Variants in CEP41 observed in about 807,000 individuals in gnomAD.
CEP41 encodes centrosomal protein 41.
A neutral mutation model predicts 44.3 loss-of-function variants in CEP41; 32 were observed. That is an observed-to-expected ratio of 0.72 (90% CI 0.54 to 0.97). CEP41 has a LOEUF of 0.97. Ranked by LOEUF, CEP41 falls within the 50% of genes least tolerant of loss-of-function variation. The pLI, the probability that CEP41 is intolerant of heterozygous loss-of-function variation, is 0.00. For missense variants in CEP41, 432 were observed against 455.2 expected, an observed-to-expected ratio of 0.95 and a Z score of 0.46; for synonymous variants, 151 against 168.5, an observed-to-expected ratio of 0.90 and a Z score of 0.80.
chr7:130,440,778 C>G, intron 1 of CEP41, 156 bp downstream of exon 1: 5 of 524,606 alleles, frequency 9.5e-6, no homozygotes, highest in South Asian at 1.7e-5. Context: ...GGCCCCCAAG[C>G]CCGGCCCGCC....
At chr7:130,434,587 T>C (rs782433759) in intron 1 of CEP41, among the ~76,000 whole-genome samples, 13 of 152,180 alleles carry the variant, frequency 8.5e-5, no homozygotes, top group Non-Finnish European at 1.0e-4. Flanking sequence ...AAATGTGCTC[T>C]AGTCACATGC....
At chr7:130,437,456 A>C (rs1554426371) in intron 1 of CEP41, among the ~76,000 whole-genome samples, 1 of 151,974 alleles carries the variant, frequency 6.6e-6, no homozygotes, top group African/African-American at 2.4e-5. Flanking sequence ...ACAAGACACT[A>C]GACCACTAAG....
chr7:130,420,794 T>C (rs1797484582), intron 2 of CEP41: 5 of 600,780 alleles, frequency 8.3e-6, no homozygotes, highest in Non-Finnish European at 1.0e-5. Context: ...AATAAATAAA[T>C]AGGAAAAATA....
chr7:130,400,681 C>T (rs782091594), intron 9 of CEP41, 26 bp downstream of exon 9: 1 of 1,414,946 alleles, frequency 7.1e-7, no homozygotes, highest in East Asian at 2.3e-5. Context: ...CCTTTGAAGT[C>T]CCAAGCAGAG....
rs369884649 is a variant in CEP41, at chr7:130,441,006, G to A, written c.-40C>T. The A allele has an allele frequency of 1.2e-6, 2 of 1,608,936 alleles. No individual in the cohort carries two copies. Among genetic ancestry groups the A allele is most frequent in the Non-Finnish European group, 1.7e-6 (2 of 1,177,600 alleles). ...ACCACGTTCGGGGTTCTAGCCTCAC[G>A]GGTTGCCTCTAACCCTAGCTTCCTA... On this transcript the variant is annotated 5_prime_UTR_variant, in exon 1 of 11. Transcript: ENST00000223208.
At chr7:130,411,239 CA>C in intron 4 of CEP41, 48 bp from the exon 5 acceptor site, 1 of 1,483,548 alleles carries the variant, frequency 6.7e-7, no homozygotes. Flanking sequence ...TGTTTTTAAA[CA>C]GACGCAATTT....
intron 2 of CEP41, among the ~76,000 whole-genome samples, chr7:130,425,178 G>A (rs781926184): frequency 1.3e-5 from 2 of 152,188 alleles, no homozygotes; most frequent in Non-Finnish European, 2.9e-5. Flanking sequence ...TGTAATCCCA[G>A]CCAAGGCGGG....
chr7:130,420,008 T>C (rs903403319), intron 2 of CEP41: 2 of 985,176 alleles, frequency 2.0e-6, no homozygotes, highest in African/African-American at 3.5e-5. Flanking sequence ...TTGTCTAGCA[T>C]AGGAGACACT....
intron 1 of CEP41, among the ~76,000 whole-genome samples, chr7:130,430,520 C>T (rs1360379571): frequency 1.3e-5 from 2 of 152,194 alleles, no homozygotes; most frequent in Non-Finnish European, 2.9e-5. Flanking sequence ...ATGCCAATTT[C>T]AATTCCTTCC....
rs1330310167 is a variant in CEP41, at chr7:130,396,321, G to C, written c.*2570C>G. 1.1e-5 allele frequency: 5 copies of C among 453,932 alleles called. No homozygotes were observed. Among genetic ancestry groups the C allele is most frequent in the African/African-American group, 1.0e-4 (5 of 49,958 alleles). The allele number at this position is 453,932 out of a possible 1,614,324, so 28.1% of individuals were successfully genotyped here. A position where few individuals can be genotyped will look rare whatever the true frequency, so the allele number is the denominator to read the frequency against. On this transcript the variant is annotated 3_prime_UTR_variant, in exon 11 of 11. Transcript: ENST00000223208. ...TTGAAGGTGGCTTCAGTCCCAGCCTGAGCAGGAAAAGAAATCCAGGCTTTC... is the reference window on the plus strand; with the variant it reads ...TTGAAGGTGGCTTCAGTCCCAGCCTCAGCAGGAAAAGAAATCCAGGCTTTC...
chr7:130,396,478 G>C lies in CEP41; in HGVS notation c.*2413C>G, dbSNP rs1446792963. On this transcript the variant is annotated 3_prime_UTR_variant, in exon 11 of 11. Transcript: ENST00000223208. ...TCCTGTGGCTCCCCCAAATCATCTC[G>C]ACAGAAAAGAAGAGAGAAGTTGGCA... 1 of 454,384 alleles carries C rather than the reference G, an allele frequency of 2.2e-6. No individual in the cohort carries two copies. The highest frequency in any genetic ancestry group is 1.6e-5 in the South Asian group (1 of 64,472). 28.1% of individuals were successfully genotyped at this position (454,384 alleles called of 1,614,324 possible). A position where few individuals can be genotyped will look rare whatever the true frequency, so the allele number is the denominator to read the frequency against.
chr7:130,437,801 AAAAG>A (rs869206537), intron 1 of CEP41, among the ~76,000 whole-genome samples: 13 of 145,194 alleles, frequency 9.0e-5, no homozygotes, highest in African/African-American at 2.8e-4. Flanking sequence ...AAAAGAAAAA[AAAAG>A]ATGTTGATGA....
chr7:130,398,639 A>G lies in CEP41; in HGVS notation c.*252T>C, dbSNP rs1189493714. 1 of 676,702 alleles carries G rather than the reference A, an allele frequency of 1.5e-6. No homozygotes were observed. Among genetic ancestry groups the G allele is most frequent in the East Asian group, 2.9e-5 (1 of 34,418 alleles). 41.9% of individuals were successfully genotyped at this position (676,702 alleles called of 1,614,324 possible). A position where few individuals can be genotyped will look rare whatever the true frequency, so the allele number is the denominator to read the frequency against. ...TCCTATACAGTTTCACAAGACTTAAATATGCTGTAAACAACAGGGAGGAGA... is the reference window on the plus strand; with the variant it reads ...TCCTATACAGTTTCACAAGACTTAAGTATGCTGTAAACAACAGGGAGGAGA... On this transcript the variant is annotated 3_prime_UTR_variant, in exon 11 of 11. Coordinates refer to ENST00000223208, the MANE Select transcript of CEP41 (RefSeq NM_018718.3).
chr7:130,402,935 G>T, intron 6 of CEP41, 136 bp from the exon 7 acceptor site: 1 of 906,730 alleles, frequency 1.1e-6, no homozygotes. Context: ...GAAAATGGAC[G>T]TGGTGTCTCA....
chr7:130,412,066 C>G (rs1215523136), intron 4 of CEP41, 113 bp downstream of exon 4: 1 of 767,732 alleles, frequency 1.3e-6, no homozygotes, highest in African/African-American at 1.7e-5. Flanking sequence ...GAACGACATA[C>G]AAAGAATCAG....
chr7:130,433,668 C>T (rs1797886020), intron 1 of CEP41, among the ~76,000 whole-genome samples: 1 of 152,206 alleles, frequency 6.6e-6, no homozygotes. Flanking sequence ...TTCTACGTGA[C>T]TTCCAAGACT....
intron 2 of CEP41, 68 bp downstream of exon 2, chr7:130,427,887 G>A (rs1797710453): frequency 3.0e-6 from 3 of 999,576 alleles, no homozygotes; most frequent in Non-Finnish European, 3.2e-6. Context: ...CCAGATATGT[G>A]GGGTTGCTTT....
intron 1 of CEP41, among the ~76,000 whole-genome samples, chr7:130,439,630 T>G (rs1195052085): frequency 6.6e-6 from 1 of 152,166 alleles, no homozygotes; most frequent in South Asian, 2.1e-4. Flanking sequence ...CATGCAGCAT[T>G]TAGACATTAC....
intron 1 of CEP41, chr7:130,440,720 C>G: frequency 8.0e-6 from 5 of 623,138 alleles, no homozygotes; most frequent in Non-Finnish European, 1.1e-5. Context: ...GGCGTGCGTA[C>G]GCGGGGAGAG....
Sources: allele counts gnomAD v4.1 joint callset (sites outside exome capture counted in the v4.1 genomes callset), GRCh38; gene constraint gnomAD v4.1.1; transcripts MANE v1.5; gene names NCBI Gene and HGNC (gene_info 2026-07-23, HGNC 2026-07-21).